The following CNTNAP3 variants were observed in gnomAD, a reference collection of about 807,000 sequenced individuals.
CNTNAP3 encodes the protein contactin associated protein family member 3.
In CNTNAP3, 36 loss-of-function variants were observed where a neutral mutation model predicts 92.1. The observed-to-expected ratio is 0.39, with a 90% CI of 0.30 to 0.52. The LOEUF is 0.52. CNTNAP3 is among the 20% of genes least tolerant of loss of function. The pLI, the probability that CNTNAP3 is intolerant of heterozygous loss-of-function variation, is 0.76. For missense variants in CNTNAP3, 534 were observed against 1,069.6 expected, an observed-to-expected ratio of 0.50 and a Z score of 6.98; for synonymous variants, 232 against 422.3, an observed-to-expected ratio of 0.55 and a Z score of 5.53.
rs879218502 is a variant in CNTNAP3 at position 39,069,432 on chromosome 9, A to G, written c.*4458T>C. Among the ~76,000 whole-genome samples the G allele has an allele frequency of 0.12, 13,470 of 108,176 alleles. No homozygotes were observed. The highest frequency in any genetic ancestry group is 0.14 in the Non-Finnish European group (6,574 of 46,726). The allele number at this position is 108,176 out of a possible 152,430, so 71.0% of individuals were successfully genotyped here. A position where few individuals can be genotyped will look rare whatever the true frequency, so the allele number is the denominator to read the frequency against. On this transcript the variant is annotated 3_prime_UTR_variant, in exon 24 of 24. Coordinates refer to ENST00000297668, the MANE Select transcript of CNTNAP3 (RefSeq NM_033655.5). ...CCATCACAAGCTAGCTAAGTTAGAA[A>G]TTTTCATATCGCAAAATCTAAAAGT...
rs566298158 is a variant in CNTNAP3 at position 39,153,849 on chromosome 9, G to A, written c.1478-3872C>T. 9.0e-4 allele frequency among the ~76,000 whole-genome samples: 130 copies of A among 144,128 alleles called. 11 individuals are homozygous for A. The highest frequency in any genetic ancestry group is 3.2e-3 in the African/African-American group (119 of 37,706). 94.6% of individuals were successfully genotyped at this position (144,128 alleles called of 152,430 possible). A position where few individuals can be genotyped will look rare whatever the true frequency, so the allele number is the denominator to read the frequency against. ...GCTGGGATTACAGGTGAGAGCCACC[G>A]CGTCTGGCCTAAACTTTCTATTAAA... On this transcript the variant is annotated intron_variant, in intron 9 of 23. Coordinates refer to ENST00000297668, the MANE Select transcript of CNTNAP3 (RefSeq NM_033655.5).
At chr9:39,117,862 T>TAA (rs1026623884) in intron 14 of CNTNAP3, 1 of 791,030 alleles carries the variant, frequency 1.3e-6, no homozygotes, top group Non-Finnish European at 1.9e-6. Context: ...ACTTAACAGC[T>TAA]GTTTCTCTTT....
At chr9:39,110,406 A>G (rs1191874630) in intron 14 of CNTNAP3, among the ~76,000 whole-genome samples, 1 of 152,156 alleles carries the variant, frequency 6.6e-6, no homozygotes, top group Non-Finnish European at 1.5e-5. Flanking sequence ...AAAAAATACA[A>G]AAAACAAACA....
Position 39,143,040 on chromosome 9 carries a change from G to A in CNTNAP3, c.1756+1200C>T, listed in dbSNP as rs1238170078. ...TCCTGAGGAGAAGTTGCTCAGAAAC[G>A]TCAGTAGAGATATACAGAAAGAAAA... On this transcript the variant is annotated intron_variant, in intron 11 of 23. Transcript: ENST00000297668. Among the ~76,000 whole-genome samples, 8 of 151,934 alleles carry A rather than the reference G, an allele frequency of 5.3e-5. No individual in the cohort carries two copies. The East Asian group carries it at 5.8e-4, about 11-fold the overall frequency.
intron 14 of CNTNAP3, among the ~76,000 whole-genome samples, chr9:39,111,289 T>C (rs1472890208): frequency 2.0e-5 from 3 of 152,160 alleles, no homozygotes; most frequent in African/African-American, 4.8e-5. Flanking sequence ...AACTCGACTT[T>C]TGTACCCATT....
chr9:39,114,783 T>G (rs1450108241), intron 14 of CNTNAP3, among the ~76,000 whole-genome samples: 1 of 152,058 alleles, frequency 6.6e-6, no homozygotes, highest in East Asian at 1.9e-4. Context: ...TCTAAGATAA[T>G]CACACAAAAG....
In CNTNAP3 at chr9:39,072,985, T is replaced by TTAG. The variant is rs1825661855; in HGVS notation, c.*904_*905insCTA. ...AAAGGATAACTCTGTGTAAGAAGTA[T>TTAG]TGTTTGTATCTGGTGGTAAATTTAG... is the stretch of plus-strand genomic sequence containing the variant. On this transcript the variant is annotated 3_prime_UTR_variant, in exon 24 of 24. Transcript: ENST00000297668. 45 of 152,064 alleles carry TTAG rather than the reference T, an allele frequency of 3.0e-4. No individual in the cohort carries two copies. Among genetic ancestry groups the TTAG allele is most frequent in the African/African-American group, 1.1e-3 (45 of 41,396 alleles). 9.4% of individuals were successfully genotyped at this position (152,064 alleles called of 1,614,324 possible).
chr9:39,090,314 C>A (rs1826163499), intron 18 of CNTNAP3, among the ~76,000 whole-genome samples: 1 of 152,166 alleles, frequency 6.6e-6, no homozygotes, highest in Admixed American at 6.5e-5. Flanking sequence ...GCAATACTTT[C>A]TTCCATTCTG....
Position 39,071,706 on chromosome 9 carries a change from T to C in CNTNAP3, c.*2184A>G, listed in dbSNP as rs62568845. ...AAGTTGACTGTTAGATGGTTGCTCT[T>C]TGGCAGAAGTTTAAATATATATATT... On this transcript the variant is annotated 3_prime_UTR_variant, in exon 24 of 24. Transcript: ENST00000297668. Among the ~76,000 whole-genome samples, 55,481 of 143,964 alleles carry C rather than the reference T, an allele frequency of 0.39. 11,518 individuals carry two copies. Among genetic ancestry groups the C allele is most frequent in the African/African-American group, 0.52 (20,331 of 38,758 alleles). 94.4% of individuals were successfully genotyped at this position (143,964 alleles called of 152,430 possible). A position where few individuals can be genotyped will look rare whatever the true frequency, so the allele number is the denominator to read the frequency against.
At chr9:39,097,165 T>C (rs1826345340) in intron 18 of CNTNAP3, among the ~76,000 whole-genome samples, 1 of 152,176 alleles carries the variant, frequency 6.6e-6, no homozygotes, top group African/African-American at 2.4e-5. Flanking sequence ...AACTCATTAC[T>C]CTCTTGGAGT....
chr9:39,093,318 A>G (rs147060199), intron 18 of CNTNAP3, among the ~76,000 whole-genome samples: 19,497 of 142,066 alleles, frequency 0.14, 1,767 homozygotes, highest in East Asian at 0.24. Context: ...GTGTTGGTGG[A>G]TATTTTGGAG....
At chr9:39,094,807 T>C (rs1826290455) in intron 18 of CNTNAP3, among the ~76,000 whole-genome samples, 1 of 151,536 alleles carries the variant, frequency 6.6e-6, no homozygotes, top group African/African-American at 2.4e-5. Flanking sequence ...TTTTGTAAAA[T>C]TGTTTTGCTT....
intron 13 of CNTNAP3, among the ~76,000 whole-genome samples, chr9:39,129,670 T>G (rs1821229616): frequency 6.6e-6 from 1 of 152,054 alleles, no homozygotes; most frequent in Admixed American, 6.6e-5. Context: ...TCTAAAAAAT[T>G]CCAGTTAAGA....
intron 21 of CNTNAP3, among the ~76,000 whole-genome samples, chr9:39,081,483 C>T (rs1475651): frequency 0.18 from 24,170 of 135,612 alleles, 2,532 homozygotes; most frequent in East Asian, 0.31. Context: ...AGTAAATTCA[C>T]GTTTGCACAA....
chr9:39,102,267 G>A (rs912184574), intron 17 of CNTNAP3, among the ~76,000 whole-genome samples: 2 of 152,308 alleles, frequency 1.3e-5, no homozygotes, highest in Non-Finnish European at 2.9e-5. Context: ...GCGACACAGT[G>A]AGACTCTGTC....
intron 21 of CNTNAP3, among the ~76,000 whole-genome samples, chr9:39,084,274 G>C (rs1215590890): frequency 1.4e-5 from 2 of 146,460 alleles, no homozygotes; most frequent in African/African-American, 5.1e-5. Context: ...CTCACTGCAA[G>C]CTCCGCCTCC....
At position 39,109,293 on chromosome 9, in the gene CNTNAP3, G is replaced by C; in HGVS notation, c.2238-6C>G. The C allele has an allele frequency of 6.2e-7, 1 of 1,611,414 alleles. No individual in the cohort carries two copies. Among genetic ancestry groups the C allele is most frequent in the South Asian group, 1.1e-5 (1 of 90,960 alleles). On this transcript the variant is annotated splice_region_variant and splice_polypyrimidine_tract_variant and intron_variant, in intron 14 of 23. Transcript: ENST00000297668. The stretch of plus-strand genomic sequence containing the variant: ...GGACTATTGTGTCACTAGTCCTAAA[G>C]AACAACAACCGAAACCATTAAAATT...
intron 14 of CNTNAP3, among the ~76,000 whole-genome samples, chr9:39,109,716 A>G (rs1826696536): frequency 6.6e-6 from 1 of 152,190 alleles, no homozygotes; most frequent in South Asian, 2.1e-4. Context: ...ATGCAAAAAT[A>G]GACTAGTGGT....
chr9:39,093,172 CT>C (rs1448312505), intron 18 of CNTNAP3, among the ~76,000 whole-genome samples: 2 of 119,542 alleles, frequency 1.7e-5, no homozygotes, highest in Non-Finnish European at 3.6e-5. Context: ...CAATATTTGT[CT>C]TTTGATTGGG....
Sources: allele counts gnomAD v4.1 joint callset (sites outside exome capture counted in the v4.1 genomes callset), GRCh38; gene constraint gnomAD v4.1.1; transcripts MANE v1.5; gene names NCBI Gene and HGNC (gene_info 2026-07-23, HGNC 2026-07-21).